CDH18: variants seen among roughly 807,000 people sequenced by gnomAD.
CDH18 encodes the protein cadherin 18, also known as cadherin-18.
In CDH18, 31 loss-of-function variants were observed where a neutral mutation model predicts 67.9. The ratio of observed to expected loss-of-function variants is 0.46; its 90% CI spans 0.34 to 0.62. The LOEUF (loss-of-function observed/expected upper bound fraction) is 0.62. CDH18 is among the 20% of genes least tolerant of loss of function. CDH18 has a pLI of 0.01. For synonymous variants in CDH18, 362 were observed against 347.2 expected (o/e 1.04, Z -0.48); for missense variants, 890 against 975.5 (o/e 0.91, Z 1.17).
At chr5:20,554,483 T>A (rs1757797155) in intron 1 of CDH18, among the ~76,000 whole-genome samples, 1 of 152,246 alleles carries the variant, frequency 6.6e-6, no homozygotes, top group South Asian at 2.1e-4. Context: ...TACTTTTGCC[T>A]TTATCACAAC....
chr5:20,099,229 T>A (rs1409674659), intron 2 of CDH18, among the ~76,000 whole-genome samples: 1 of 152,312 alleles, frequency 6.6e-6, no homozygotes, highest in Middle Eastern at 3.4e-3. Context: ...TTTCCAATTT[T>A]CTTTCTGAGA....
intron 5 of CDH18, among the ~76,000 whole-genome samples, chr5:19,682,820 T>A (rs552944701): frequency 6.6e-6 from 1 of 152,240 alleles, no homozygotes; most frequent in South Asian, 2.1e-4. Context: ...AGTGTTAGTT[T>A]CATCCAGCCA....
chr5:19,970,402 G>A (rs1797911486), intron 2 of CDH18, among the ~76,000 whole-genome samples: 1 of 151,268 alleles, frequency 6.6e-6, no homozygotes, highest in Non-Finnish European at 1.5e-5. Flanking sequence ...AATAAGAGAG[G>A]ATATCCTTCT....
chr5:19,704,943 G>T (rs1208237795), intron 5 of CDH18, among the ~76,000 whole-genome samples: 1 of 152,128 alleles, frequency 6.6e-6, no homozygotes, highest in East Asian at 1.9e-4. Flanking sequence ...AGATTTAAAA[G>T]ACTGTTTCTT....
At chr5:20,052,946 C>T (rs1741561997) in intron 2 of CDH18, among the ~76,000 whole-genome samples, 1 of 152,110 alleles carries the variant, frequency 6.6e-6, no homozygotes, top group Admixed American at 6.6e-5. Flanking sequence ...GAAATGGAGC[C>T]TGGGCCTGAA....
At chr5:19,898,438 A>G (rs185229061) in intron 2 of CDH18, among the ~76,000 whole-genome samples, 28 of 152,178 alleles carry the variant, frequency 1.8e-4, no homozygotes, top group East Asian at 1.9e-4. Flanking sequence ...GGTGCCTTTT[A>G]TAAAATTAAT....
chr5:20,297,423 A>G (rs10041875), intron 1 of CDH18, among the ~76,000 whole-genome samples: 141,243 of 152,254 alleles, frequency 0.93, 66,159 homozygotes, highest in Middle Eastern at 1. Flanking sequence ...AAACTCAACC[A>G]ATACATATTA....
chr5:20,161,674 G>C (rs190971149), intron 2 of CDH18, among the ~76,000 whole-genome samples: 50 of 152,058 alleles, frequency 3.3e-4, no homozygotes, highest in Admixed American at 3.3e-3. Context: ...TTGATATTCT[G>C]TTGTTCTACT....
chr5:20,484,380 A>G (rs757701526), intron 1 of CDH18, among the ~76,000 whole-genome samples: 26 of 152,066 alleles, frequency 1.7e-4, no homozygotes, highest in Non-Finnish European at 2.2e-4. Context: ...GGCTCTTCAA[A>G]GAATCTAAAA....
chr5:19,565,056 C>T (rs973736664), intron 8 of CDH18, among the ~76,000 whole-genome samples: 1 of 151,560 alleles, frequency 6.6e-6, no homozygotes, highest in Non-Finnish European at 1.5e-5. Context: ...CTAAGGTTCT[C>T]GAATCCAGGC....
rs80209046 is a variant in CDH18 at position 20,446,583 on chromosome 5, A to G, written c.-580+128879T>C. Among the ~76,000 whole-genome samples, 105 of 152,356 alleles carry G rather than the reference A, an allele frequency of 6.9e-4. 4 individuals are homozygous for G. The East Asian group carries it at 0.017, about 24-fold the overall frequency. The stretch of plus-strand genomic sequence containing the variant: ...CCTGTGCAGCCTTTGAGAAAAATGT[A>G]TATTAAAAATGTTTATTTCTCCCTA... On this transcript the variant is annotated intron_variant, in intron 1 of 14. Transcript: ENST00000507958.
At chr5:19,579,900 C>A (rs545853148) in intron 7 of CDH18, among the ~76,000 whole-genome samples, 3 of 151,290 alleles carry the variant, frequency 2.0e-5, no homozygotes, top group Non-Finnish European at 4.4e-5. Flanking sequence ...TTCAATCCAC[C>A]CCCCCCAAAG....
At chr5:19,847,754 T>C (rs1783163188) in intron 2 of CDH18, among the ~76,000 whole-genome samples, 1 of 150,288 alleles carries the variant, frequency 6.7e-6, no homozygotes, top group African/African-American at 2.4e-5. Context: ...TAAACTAAGA[T>C]TCCGCAGATC....
intron 2 of CDH18, among the ~76,000 whole-genome samples, chr5:20,171,374 A>ATC (rs935618314): frequency 3.3e-5 from 5 of 152,066 alleles, no homozygotes; most frequent in African/African-American, 1.2e-4. Flanking sequence ...CCTAGCCAGC[A>ATC]TCTATTATTT....
intron 3 of CDH18, among the ~76,000 whole-genome samples, chr5:19,788,716 T>G (rs1776064562): frequency 6.6e-6 from 1 of 152,186 alleles, no homozygotes. Flanking sequence ...TCCAAAACAT[T>G]CAATGGTGTT....
chr5:19,741,720 C>T (rs1381629629), intron 4 of CDH18, among the ~76,000 whole-genome samples: 1 of 152,076 alleles, frequency 6.6e-6, no homozygotes, highest in African/African-American at 2.4e-5. Context: ...ATTTGTGTTT[C>T]TACTTTGACA....
chr5:19,930,563 G>A (rs1423243074), intron 2 of CDH18, among the ~76,000 whole-genome samples: 1 of 151,996 alleles, frequency 6.6e-6, no homozygotes, highest in Admixed American at 6.6e-5. Flanking sequence ...AGGAAATATT[G>A]ATCATGTGGT....
chr5:20,069,178 T>A (rs886145566), intron 2 of CDH18, among the ~76,000 whole-genome samples: 2 of 151,998 alleles, frequency 1.3e-5, no homozygotes, highest in Non-Finnish European at 1.5e-5. Flanking sequence ...TATATTTATA[T>A]AAATAGAAAT....
At chr5:19,875,619 T>C (rs1407023752) in intron 2 of CDH18, among the ~76,000 whole-genome samples, 3 of 152,006 alleles carry the variant, frequency 2.0e-5, no homozygotes, top group African/African-American at 7.2e-5. Context: ...TATATACATA[T>C]ATACATACAC....
Sources: allele counts gnomAD v4.1 joint callset (sites outside exome capture counted in the v4.1 genomes callset), GRCh38; gene constraint gnomAD v4.1.1; transcripts MANE v1.5; gene names NCBI Gene and HGNC (gene_info 2026-07-23, HGNC 2026-07-21).